The following FSD1L variants were observed in gnomAD, a reference collection of about 807,000 sequenced individuals.
FSD1L encodes the protein fibronectin type III and SPRY domain containing 1 like.
A neutral mutation model predicts 71.6 loss-of-function variants in FSD1L; 45 were observed. The ratio of observed to expected loss-of-function variants is 0.63; its 90% CI spans 0.49 to 0.81. The LOEUF is 0.81. Ranked by LOEUF, FSD1L falls within the 30% of genes least tolerant of loss-of-function variation. The pLI is 0.00. For synonymous variants in FSD1L, 197 were observed against 207.2 expected (o/e 0.95, Z 0.42); for missense variants, 561 against 618.1 (o/e 0.91, Z 0.98).
At chr9:105,521,739 T>C in intron 10 of FSD1L, 2 of 1,613,214 alleles carry the variant, frequency 1.2e-6, no homozygotes, top group Non-Finnish European at 1.7e-6. Context: ...TGTTCGAAAT[T>C]CCAGTTGGGC....
rs548685372 is a variant in FSD1L, at chr9:105,523,540, A to G, written c.1025+10604A>G. 4 of 1,612,808 alleles carry G rather than the reference A, an allele frequency of 2.5e-6. No individual in the cohort carries two copies. In the African/African-American group the frequency reaches 5.3e-5, roughly 21 times the overall value. Reference sequence around the variant, plus strand: ...TTTGATTACCTCTGTGAACTTTGGCAGAATCTAGCTAAGATTAGAGATAAC... The same window carrying G: ...TTTGATTACCTCTGTGAACTTTGGCGGAATCTAGCTAAGATTAGAGATAAC... On this transcript the variant is annotated intron_variant, in intron 10 of 13. Transcript: ENST00000481272.
intron 12 of FSD1L, among the ~76,000 whole-genome samples, chr9:105,538,350 T>C (rs1351085627): frequency 1.3e-5 from 2 of 152,182 alleles, no homozygotes; most frequent in Non-Finnish European, 2.9e-5. Flanking sequence ...TGCATAAATA[T>C]TAGTTTATTT....
intron 2 of FSD1L, among the ~76,000 whole-genome samples, chr9:105,463,759 GT>G (rs1453795238): frequency 6.6e-6 from 1 of 152,124 alleles, no homozygotes; most frequent in Non-Finnish European, 1.5e-5. Flanking sequence ...AATGAATGTT[GT>G]CATTCTAAAT....
At chr9:105,526,792 C>G (rs1042971868) in intron 10 of FSD1L, among the ~76,000 whole-genome samples, 2 of 151,966 alleles carry the variant, frequency 1.3e-5, no homozygotes, top group Non-Finnish European at 2.9e-5. Flanking sequence ...CCTTTACCTT[C>G]CTAGATAATT....
intron 10 of FSD1L, among the ~76,000 whole-genome samples, chr9:105,518,421 C>G (rs559080839): frequency 1.3e-5 from 2 of 152,318 alleles, no homozygotes; most frequent in East Asian, 1.9e-4. Flanking sequence ...GTAAAACACT[C>G]CTCAGCAAAT....
intron 10 of FSD1L, among the ~76,000 whole-genome samples, chr9:105,531,266 G>A (rs1835878308): frequency 6.6e-6 from 1 of 152,192 alleles, no homozygotes; most frequent in Non-Finnish European, 1.5e-5. Flanking sequence ...TGATTCTGAT[G>A]TGCAGCTGGG....
chr9:105,447,575 T>C (rs928230445), upstream of FSD1L, among the ~76,000 whole-genome samples: 2 of 151,910 alleles, frequency 1.3e-5, no homozygotes, highest in East Asian at 3.9e-4. Flanking sequence ...ACACCCACGT[T>C]TCCGCCACTC....
At chr9:105,500,925 GACTA>G (rs937488482) in intron 7 of FSD1L, among the ~76,000 whole-genome samples, 2 of 152,132 alleles carry the variant, frequency 1.3e-5, no homozygotes, top group Admixed American at 6.6e-5. Context: ...AGCCACAACT[GACTA>G]ACTATGACAA....
intron 7 of FSD1L, among the ~76,000 whole-genome samples, chr9:105,493,025 GC>G (rs1833069325): frequency 6.6e-6 from 1 of 152,160 alleles, no homozygotes; most frequent in Non-Finnish European, 1.5e-5. Context: ...TCCACTTGGT[GC>G]AGAGCTGAGT....
At chr9:105,492,164 C>T (rs1467248591) in intron 7 of FSD1L, among the ~76,000 whole-genome samples, 2 of 152,096 alleles carry the variant, frequency 1.3e-5, no homozygotes, top group African/African-American at 4.8e-5. Flanking sequence ...TGATTATTGC[C>T]TCAATTTCAG....
chr9:105,535,392 T>C, intron 12 of FSD1L, 74 bp downstream of exon 12: 1 of 1,443,158 alleles, frequency 6.9e-7, no homozygotes, highest in South Asian at 1.3e-5. Flanking sequence ...TAATCATCTA[T>C]ACAGGATTTC....
chr9:105,501,985 AT>A (rs1343953839), intron 7 of FSD1L, among the ~76,000 whole-genome samples: 2 of 151,618 alleles, frequency 1.3e-5, no homozygotes, highest in African/African-American at 4.8e-5. Context: ...TTTCATGTAT[AT>A]TTTTTTCTTT....
intron 7 of FSD1L, among the ~76,000 whole-genome samples, chr9:105,502,541 G>C (rs1022041618): frequency 6.6e-6 from 1 of 151,954 alleles, no homozygotes; most frequent in East Asian, 1.9e-4. Context: ...GTTTTCTGTT[G>C]TAAGTAGAAC....
rs559581538 is a variant in FSD1L, at chr9:105,514,380, G to A, written c.1025+1444G>A. Among the ~76,000 whole-genome samples, 14 of 152,172 alleles carry A rather than the reference G, an allele frequency of 9.2e-5. No individual in the cohort carries two copies. The East Asian group carries it at 9.6e-4, about 10-fold the overall frequency. On this transcript the variant is annotated intron_variant, in intron 10 of 13. Transcript: ENST00000481272. ...GTATTTTACGTATAGGCTACTTGTCGAATGTTATATGCATTTATATATTCT... is the reference window on the plus strand; with the variant it reads ...GTATTTTACGTATAGGCTACTTGTCAAATGTTATATGCATTTATATATTCT...
intron 5 of FSD1L, among the ~76,000 whole-genome samples, chr9:105,474,819 T>C (rs1771432158): frequency 6.6e-6 from 1 of 152,248 alleles, no homozygotes; most frequent in Non-Finnish European, 1.5e-5. Context: ...CATTGCAGTG[T>C]CTCAGCATGA....
chr9:105,488,957 C>A (rs971326430), intron 7 of FSD1L, among the ~76,000 whole-genome samples: 2 of 151,900 alleles, frequency 1.3e-5, no homozygotes, highest in African/African-American at 2.4e-5. Flanking sequence ...AATTACTCAT[C>A]ATTTTATTCT....
chr9:105,532,543 T>G (rs1268060916), intron 10 of FSD1L, among the ~76,000 whole-genome samples: 1 of 152,220 alleles, frequency 6.6e-6, no homozygotes, highest in Non-Finnish European at 1.5e-5. Context: ...ATTTTGGAGA[T>G]CTCAACAACT....
At position 105,521,904 on chromosome 9, in the gene FSD1L, C is replaced by T. The variant is rs976448069; in HGVS notation, c.1025+8968C>T. 4 of 1,612,260 alleles carry T rather than the reference C, an allele frequency of 2.5e-6. No homozygotes were observed. In the African/African-American group the frequency reaches 4.0e-5, roughly 16 times the overall value. ...ACCTGCAAATGAAATAAAAAATCTTCTGGATGAACACACAGATATGTGTAA... is the reference window on the plus strand; with the variant it reads ...ACCTGCAAATGAAATAAAAAATCTTTTGGATGAACACACAGATATGTGTAA... On this transcript the variant is annotated intron_variant, in intron 10 of 13. Coordinates refer to ENST00000481272, the MANE Select transcript of FSD1L (RefSeq NM_001145313.3).
intron 10 of FSD1L, among the ~76,000 whole-genome samples, chr9:105,513,227 G>A (rs1323908972): frequency 6.6e-6 from 1 of 151,934 alleles, no homozygotes; most frequent in Non-Finnish European, 1.5e-5. Flanking sequence ...GAAGTTTCTA[G>A]TATAATTCCT....
Sources: gnomAD v4.1 joint callset for allele counts (sites outside exome capture counted in the v4.1 genomes callset) on GRCh38, gnomAD v4.1.1 for gene constraint, MANE v1.5 for transcripts, NCBI Gene and HGNC (gene_info 2026-07-23, HGNC 2026-07-21) for gene names.